ASTN1: variants seen among roughly 807,000 people sequenced by gnomAD.
ASTN1 encodes the protein astrotactin-1.
ASTN1 carries 41 observed loss-of-function variants against 140.7 expected under a neutral mutation model. The observed-to-expected ratio is 0.29, with a 90% CI of 0.23 to 0.38. ASTN1 has a LOEUF of 0.38. Among genes scored for constraint, ASTN1 ranks in the 10% least tolerant of loss-of-function variants. The pLI, the probability that ASTN1 is intolerant of heterozygous loss-of-function variation, is 1.00. For missense variants in ASTN1, 1,479 were observed against 1,678.8 expected (o/e 0.88, Z 2.08); for synonymous variants, 640 against 652.2 (o/e 0.98, Z 0.29).
chr1:176,910,796 G>A (rs1341049272), intron 16 of ASTN1, among the ~76,000 whole-genome samples: 1 of 152,212 alleles, frequency 6.6e-6, no homozygotes, highest in African/African-American at 2.4e-5. Context: ...GTGGGTGAGA[G>A]AGCATGAACA....
rs1001080119 is a variant in ASTN1 at position 177,106,239 on chromosome 1, T to A, written c.284-44974A>T. On this transcript the variant is annotated intron_variant, in intron 1 of 22. Coordinates refer to ENST00000361833, the MANE Select transcript of ASTN1 (RefSeq NM_004319.3). ...AGTATTTTTATTATTTAGGTTAAAATAGCTACTTTCTTAAATGTTGTTGCT... is the reference window on the plus strand; with the variant it reads ...AGTATTTTTATTATTTAGGTTAAAAAAGCTACTTTCTTAAATGTTGTTGCT... Among the ~76,000 whole-genome samples the A allele has an allele frequency of 4.0e-4, 61 of 152,294 alleles. 1 individual carries two copies. The highest frequency in any genetic ancestry group is 2.8e-4 in the Non-Finnish European group (19 of 68,024).
At chr1:177,160,878 T>C (rs991674100) in intron 1 of ASTN1, among the ~76,000 whole-genome samples, 1 of 152,210 alleles carries the variant, frequency 6.6e-6, no homozygotes, top group Non-Finnish European at 1.5e-5. Flanking sequence ...ATTACATGGC[T>C]TAGAGTTGCC....
intron 1 of ASTN1, among the ~76,000 whole-genome samples, chr1:177,090,845 A>G (rs1679713729): frequency 6.6e-6 from 1 of 151,954 alleles, no homozygotes; most frequent in Non-Finnish European, 1.5e-5. Flanking sequence ...TTCTCATCAA[A>G]TAAAACTAGT....
At chr1:177,110,742 A>G (rs1680786620) in intron 1 of ASTN1, among the ~76,000 whole-genome samples, 1 of 152,196 alleles carries the variant, frequency 6.6e-6, no homozygotes, top group Non-Finnish European at 1.5e-5. Context: ...CAGGTCACAC[A>G]TTAGTAAATG....
rs376520454 is a variant in ASTN1 at position 176,943,873 on chromosome 1, T to C, written c.2377+18A>G. ...GCCTGTTTGTGCCAGTTGAATAAGG[T>C]TGAGAAGGCACACTCACCAGTCAGG... On this transcript the variant is annotated intron_variant, in intron 14 of 22. Coordinates refer to ENST00000361833, the MANE Select transcript of ASTN1 (RefSeq NM_004319.3). The C allele has an allele frequency of 7.6e-6, 12 of 1,583,422 alleles. No individual in the cohort carries two copies. The African/African-American group carries it at 1.5e-4, about 20-fold the overall frequency.
chr1:177,091,925 C>CT (rs148629980), intron 1 of ASTN1, among the ~76,000 whole-genome samples: 10,770 of 151,692 alleles, frequency 0.071, 464 homozygotes, highest in Middle Eastern at 0.17. Context: ...TGGATTGTCT[C>CT]TTTTTTTTAA....
chr1:177,083,687 G>A (rs1679285150), intron 1 of ASTN1, among the ~76,000 whole-genome samples: 1 of 152,046 alleles, frequency 6.6e-6, no homozygotes. Flanking sequence ...CTTTTGTAAG[G>A]ATAATGGAAT....
At chr1:176,916,245 G>T (rs1204510846) in intron 16 of ASTN1, among the ~76,000 whole-genome samples, 1 of 152,208 alleles carries the variant, frequency 6.6e-6, no homozygotes, top group Non-Finnish European at 1.5e-5. Flanking sequence ...TAAGGATGCA[G>T]ATGAGTATGT....
At chr1:176,922,862 T>G (rs1355126644) in intron 16 of ASTN1, among the ~76,000 whole-genome samples, 1 of 152,194 alleles carries the variant, frequency 6.6e-6, no homozygotes, top group Admixed American at 6.5e-5. Context: ...AATAGGGAGA[T>G]GAGCTTCAAA....
At chr1:176,884,536 C>T (rs1668950445) in intron 18 of ASTN1, 46 bp from the exon 19 acceptor site, 2 of 1,571,048 alleles carry the variant, frequency 1.3e-6, no homozygotes, top group Non-Finnish European at 8.7e-7. Flanking sequence ...ACAACTGTGA[C>T]TCACTTTGGG....
chr1:176,864,311 G>T lies in ASTN1; in HGVS notation c.3858C>A (p.Asn1286Lys), dbSNP rs766576098. The T allele has an allele frequency of 3.1e-6, 5 of 1,613,896 alleles. No homozygotes were observed. The Admixed American group carries it at 8.3e-5, about 27-fold the overall frequency. ...AGATCTCTTTGCTGTCCCCATAGTC[G>T]TTGTAGGGGATACTCAGGGTCTGCT... is the stretch of plus-strand genomic sequence containing the variant. ...CEEQTLSIPYNDYGDSKEI is the reference protein window; with the variant it reads ...CEEQTLSIPYKDYGDSKEI Residue 1286 changes from asparagine (N) to lysine (K), a missense_variant, in exon 23 of 23, where the codon AAC (asparagine) becomes AAA (lysine). This residue lies in a region of ASTN1 where 746 missense variants were observed against 800.9 expected (regional missense o/e 0.93). Transcript: ENST00000361833.
rs1647593712 is a variant in ASTN1 at position 177,164,481 on chromosome 1, G to T, written c.196C>A (p.Leu66Ile). Residue 66 changes from leucine to isoleucine, a missense_variant, in exon 1 of 23, where the codon CTC becomes ATC. By Grantham distance (5) the Leu-to-Ile change is conservative. Coordinates refer to ENST00000361833, the MANE Select transcript of ASTN1 (RefSeq NM_004319.3). ...MHSPSASEPK[L>I]LFSVRNDFPG... is the part of the protein sequence containing the mutation. ...AAGTCGTTGCGCACCGAGAAGAGGAGCTTGGGCTCCGAGGCCGAGGGGCTG... is the reference window on the plus strand; with the variant it reads ...AAGTCGTTGCGCACCGAGAAGAGGATCTTGGGCTCCGAGGCCGAGGGGCTG... 6.2e-7 allele frequency: 1 copy of T among 1,613,896 alleles called. No homozygotes were observed. The highest frequency in any genetic ancestry group is 1.3e-5 in the African/African-American group (1 of 74,928).
rs116742011 is a variant in ASTN1, at chr1:177,020,179, C to T, written c.1438+3225G>A. Among the ~76,000 whole-genome samples the T allele has an allele frequency of 7.3e-3, 1,112 of 152,310 alleles. 12 individuals carry two copies. Among genetic ancestry groups the T allele is most frequent in the African/African-American group, 0.025 (1,040 of 41,558 alleles). On this transcript the variant is annotated intron_variant, in intron 7 of 22. Transcript: ENST00000361833. ...CTGGGATTATAGGTGTGAGCTGCCA[C>T]GCCTGGCCTATCTTTTCTCTCCTTC... is the stretch of plus-strand genomic sequence containing the variant.
intron 2 of ASTN1, among the ~76,000 whole-genome samples, chr1:177,039,317 C>T (rs953057756): frequency 3.9e-5 from 6 of 152,230 alleles, no homozygotes; most frequent in African/African-American, 1.4e-4. Flanking sequence ...TTTGGTAGCT[C>T]ATGTCTCCTG....
intron 1 of ASTN1, among the ~76,000 whole-genome samples, chr1:177,148,873 C>A (rs754242411): frequency 9.9e-5 from 15 of 151,304 alleles, no homozygotes; most frequent in African/African-American, 1.7e-4. Context: ...AATGGGGAGA[C>A]TGATAGGATG....
chr1:177,159,306 A>G (rs1683381789), intron 1 of ASTN1, among the ~76,000 whole-genome samples: 1 of 152,178 alleles, frequency 6.6e-6, no homozygotes, highest in African/African-American at 2.4e-5. Flanking sequence ...GTGCTGAAGA[A>G]CCTACCTTAG....
At chr1:177,091,282 C>T (rs570412090) in intron 1 of ASTN1, among the ~76,000 whole-genome samples, 6 of 152,228 alleles carry the variant, frequency 3.9e-5, no homozygotes, top group East Asian at 1.9e-4. Context: ...CCTTTTAGTA[C>T]GTGACATTCT....
chr1:177,082,870 T>C (rs1679247710), intron 1 of ASTN1, among the ~76,000 whole-genome samples: 1 of 152,200 alleles, frequency 6.6e-6, no homozygotes, highest in African/African-American at 2.4e-5. Flanking sequence ...TCATGGGCTA[T>C]ATCTCCATTT....
chr1:176,930,778 G>A (rs1270890330), intron 16 of ASTN1, among the ~76,000 whole-genome samples: 1 of 152,168 alleles, frequency 6.6e-6, no homozygotes, highest in Non-Finnish European at 1.5e-5. Flanking sequence ...AGAGTGAACT[G>A]GAGGTGAGGA....
Sources: allele counts gnomAD v4.1 joint callset (sites outside exome capture counted in the v4.1 genomes callset), GRCh38; gene constraint gnomAD v4.1.1; regional missense constraint gnomAD v4.1.1; transcripts MANE v1.5; gene names NCBI Gene and HGNC (gene_info 2026-07-23, HGNC 2026-07-21).